The following MORC1 variants were observed in gnomAD, a reference collection of about 807,000 sequenced individuals.
MORC1 encodes MORC family CW-type zinc finger protein 1.
Under a neutral mutation model 134.9 loss-of-function variants are expected in MORC1, and 59 were observed. The ratio of observed to expected loss-of-function variants is 0.44; its 90% confidence interval spans 0.35 to 0.54. The LOEUF (loss-of-function observed/expected upper bound fraction) is 0.54, where lower values mean the gene tolerates loss of function less well. MORC1 is among the 20% of genes least tolerant of loss of function. The pLI is 0.00. For missense variants in MORC1, 947 were observed against 1,134.5 expected (o/e 0.83, Z 2.37); for synonymous variants, 395 against 391.7 (o/e 1.01, Z -0.10).
chr3:109,066,955 A>G (rs1950211802), intron 9 of MORC1, among the ~76,000 whole-genome samples: 1 of 145,118 alleles, frequency 6.9e-6, no homozygotes, highest in Non-Finnish European at 1.5e-5. Flanking sequence ...CATTGTAAAA[A>G]TTCAAAAATG....
chr3:109,114,542 G>A (rs977237109), intron 1 of MORC1, 105 bp from the exon 2 acceptor site: 2 of 941,390 alleles, frequency 2.1e-6, no homozygotes, highest in African/African-American at 3.4e-5. Flanking sequence ...CAGACATCTA[G>A]TGAATTAAGA....
intron 16 of MORC1, among the ~76,000 whole-genome samples, chr3:109,029,328 G>A (rs1264212206): frequency 6.6e-6 from 1 of 152,120 alleles, no homozygotes; most frequent in Admixed American, 6.5e-5. Context: ...ATCTATACAG[G>A]CTTCTACTTC....
At chr3:108,963,321 G>C (rs141441274) in intron 27 of MORC1, 93 bp downstream of exon 27, 37 of 1,054,178 alleles carry the variant, frequency 3.5e-5, no homozygotes, top group Non-Finnish European at 4.8e-5. Context: ...ACTTGTCCAG[G>C]TCAGTAAGTG....
chr3:109,009,849 T>C (rs1205112731), intron 17 of MORC1, among the ~76,000 whole-genome samples: 3 of 152,176 alleles, frequency 2.0e-5, no homozygotes, highest in Non-Finnish European at 4.4e-5. Flanking sequence ...ACCGTTTTCC[T>C]GAAAAGTGTG....
At chr3:109,038,963 C>A (rs1180555336) in intron 14 of MORC1, among the ~76,000 whole-genome samples, 1 of 152,214 alleles carries the variant, frequency 6.6e-6, no homozygotes, top group Non-Finnish European at 1.5e-5. Flanking sequence ...TTCACTCAGG[C>A]TGAAGTGCAG....
chr3:109,114,332 G>C, intron 2 of MORC1, 52 bp downstream of exon 2: 1 of 1,453,740 alleles, frequency 6.9e-7, no homozygotes, highest in Non-Finnish European at 9.5e-7. Context: ...AATTAGACAA[G>C]AGTTATGTCA....
chr3:109,010,357 T>C (rs1414299178), intron 17 of MORC1, among the ~76,000 whole-genome samples: 2 of 152,222 alleles, frequency 1.3e-5, no homozygotes, highest in South Asian at 2.1e-4. Flanking sequence ...TTTTATTTCA[T>C]TGTCTCGTAT....
chr3:109,108,738 A>G (rs567158385), intron 3 of MORC1, among the ~76,000 whole-genome samples: 10 of 152,220 alleles, frequency 6.6e-5, no homozygotes, highest in Non-Finnish European at 5.9e-5. Context: ...TCTACTAAAA[A>G]TACAAAAAAA....
At position 109,035,336 on chromosome 3, in the gene MORC1, T is replaced by C; in HGVS notation, c.1459+4A>G. ...TGGTAATTATAATGGACTTCAACAC[T>C]CACCACATTGTATGATGAATGGGAT... On this transcript the variant is annotated splice_donor_region_variant and intron_variant, in intron 15 of 27. Coordinates refer to ENST00000232603, the MANE Select transcript of MORC1 (RefSeq NM_014429.4). The C allele has an allele frequency of 3.8e-6, 6 of 1,583,860 alleles. No homozygotes were observed. Among genetic ancestry groups the C allele is most frequent in the Non-Finnish European group, 5.1e-6 (6 of 1,165,376 alleles).
intron 17 of MORC1, among the ~76,000 whole-genome samples, chr3:109,025,069 A>T (rs1472869978): frequency 2.6e-5 from 4 of 152,198 alleles, no homozygotes; most frequent in Admixed American, 2.6e-4. Flanking sequence ...CATCTTTCAG[A>T]GGTCTTCTGT....
chr3:109,001,679 G>A (rs996693085), intron 20 of MORC1, among the ~76,000 whole-genome samples: 4 of 152,030 alleles, frequency 2.6e-5, no homozygotes, highest in South Asian at 2.1e-4. Flanking sequence ...CTATACTCTC[G>A]TAGCTAGCCA....
chr3:109,031,124 G>C (rs143999483), intron 16 of MORC1, among the ~76,000 whole-genome samples: 1 of 152,170 alleles, frequency 6.6e-6, no homozygotes, highest in African/African-American at 2.4e-5. Flanking sequence ...GAAGGTAAGG[G>C]AAACTGCAGA....
At chr3:109,101,653 T>C (rs979547517) in intron 4 of MORC1, 1 of 152,248 alleles carries the variant, frequency 6.6e-6, no homozygotes, top group Non-Finnish European at 1.5e-5. Context: ...GGTAAGGATA[T>C]CCATAATGAC....
chr3:108,993,463 C>T (rs1166366529), intron 21 of MORC1, among the ~76,000 whole-genome samples: 1 of 152,146 alleles, frequency 6.6e-6, no homozygotes, highest in Non-Finnish European at 1.5e-5. Flanking sequence ...ATGATCTTTC[C>T]TTCAAAGCCC....
intron 21 of MORC1, among the ~76,000 whole-genome samples, chr3:108,988,204 T>C: frequency 6.6e-6 from 1 of 152,206 alleles, no homozygotes. Context: ...TGGGCACATG[T>C]GTAGCCTAGC....
chr3:109,107,928 G>A (rs1951073529), intron 3 of MORC1, among the ~76,000 whole-genome samples: 1 of 152,196 alleles, frequency 6.6e-6, no homozygotes, highest in South Asian at 2.1e-4. Flanking sequence ...ATGCCTGGTG[G>A]CTCATGCCAG....
chr3:108,959,852 A>G (rs186315569), intron 27 of MORC1, among the ~76,000 whole-genome samples: 109 of 152,348 alleles, frequency 7.2e-4, no homozygotes, highest in Middle Eastern at 3.4e-3. Flanking sequence ...AGCAGCCCCT[A>G]TCAGAGCAAC....
At chr3:108,995,887 T>C (rs1198229046) in intron 21 of MORC1, among the ~76,000 whole-genome samples, 1 of 152,164 alleles carries the variant, frequency 6.6e-6, no homozygotes, top group African/African-American at 2.4e-5. Flanking sequence ...CAGTGCCATA[T>C]ATCGGTGGAC....
chr3:108,990,315 G>A (rs1948011350), intron 21 of MORC1, among the ~76,000 whole-genome samples: 1 of 152,140 alleles, frequency 6.6e-6, no homozygotes, highest in Non-Finnish European at 1.5e-5. Context: ...AGAGAGTGAT[G>A]CAAGTTCCTG....
Sources: gnomAD v4.1 joint callset for allele counts (sites outside exome capture counted in the v4.1 genomes callset) on GRCh38, gnomAD v4.1.1 for gene constraint, MANE v1.5 for transcripts, NCBI Gene and HGNC (gene_info 2026-07-23, HGNC 2026-07-21) for gene names.